The following GIGYF2 variants were observed in gnomAD, a reference collection of about 807,000 sequenced individuals.
GIGYF2 encodes the protein GRB10-interacting GYF protein 2.
GIGYF2 carries 25 observed loss-of-function variants against 208.1 expected under a neutral mutation model. The ratio of observed to expected loss-of-function variants is 0.12; its 90% CI spans 0.09 to 0.17. The LOEUF (loss-of-function observed/expected upper bound fraction) is 0.17. Among genes scored for constraint, GIGYF2 ranks in the 10% least tolerant of loss-of-function variants. The pLI is 1.00. For missense variants in GIGYF2, 1,302 were observed against 1,579.4 expected (o/e 0.82, Z 2.98); for synonymous variants, 534 against 543.8 (o/e 0.98, Z 0.25).
At chr2:232,745,882 A>G (rs1698132190) in intron 3 of GIGYF2, among the ~76,000 whole-genome samples, 1 of 152,216 alleles carries the variant, frequency 6.6e-6, no homozygotes, top group East Asian at 1.9e-4. Flanking sequence ...CTCTATACTC[A>G]GTCACCAGTT....
intron 2 of GIGYF2, chr2:232,730,284 T>C (rs1479817372): frequency 9.1e-6 from 6 of 661,512 alleles, no homozygotes; most frequent in Non-Finnish European, 1.6e-5. Flanking sequence ...AAAAATATTC[T>C]TAGGTTTTTA....
chr2:232,791,195 CT>C (rs774744923), intron 11 of GIGYF2, 25 bp downstream of exon 11: 6 of 1,613,322 alleles, frequency 3.7e-6, no homozygotes, highest in South Asian at 1.1e-5. Context: ...TGCCCTTTGC[CT>C]TTTTTTTCCT....
Position 232,817,038 on chromosome 2 carries a change from TA to T in GIGYF2, c.2370+7del. The T allele has an allele frequency of 6.2e-7, 1 of 1,604,714 alleles. No homozygotes were observed. Among genetic ancestry groups the T allele is most frequent in the Non-Finnish European group, 8.5e-7 (1 of 1,171,406 alleles). On this transcript the variant is annotated splice_region_variant and intron_variant, in intron 20 of 28. Transcript: ENST00000373563. ...AACTTGCCCGAAGGAAACAGGTATGTATCTGGGAACTCTGACCATAGGATTA... is the reference window on the plus strand; with the variant it reads ...AACTTGCCCGAAGGAAACAGGTATGTTCTGGGAACTCTGACCATAGGATTA...
intron 14 of GIGYF2, among the ~76,000 whole-genome samples, chr2:232,797,728 T>TC (rs1700267482): frequency 6.6e-6 from 1 of 152,072 alleles, no homozygotes; most frequent in South Asian, 2.1e-4. Flanking sequence ...ATGCCTGTAA[T>TC]CCCAGCATTT....
chr2:232,820,556 C>T (rs899168351), intron 21 of GIGYF2, among the ~76,000 whole-genome samples: 1 of 152,034 alleles, frequency 6.6e-6, no homozygotes, highest in South Asian at 2.1e-4. Context: ...CCTCATGATC[C>T]ACCCGCCTCG....
chr2:232,817,443 T>A (rs950040603), intron 20 of GIGYF2, among the ~76,000 whole-genome samples: 1 of 152,246 alleles, frequency 6.6e-6, no homozygotes, highest in African/African-American at 2.4e-5. Flanking sequence ...TGGTGTTAAG[T>A]ATATTCATTC....
intron 21 of GIGYF2, among the ~76,000 whole-genome samples, chr2:232,832,478 T>A (rs991374789): frequency 2.0e-5 from 3 of 152,148 alleles, no homozygotes; most frequent in African/African-American, 4.8e-5. Flanking sequence ...TTCATGGTAA[T>A]CAGCATTCTT....
intron 5 of GIGYF2, 103 bp from the exon 6 acceptor site, chr2:232,756,120 C>A: frequency 1.5e-6 from 1 of 678,382 alleles, no homozygotes; most frequent in Non-Finnish European, 2.5e-6. Context: ...TTTATAGATG[C>A]AGTAGGAATG....
At position 232,768,710 on chromosome 2, in the gene GIGYF2, G is replaced by A. The variant is rs1699085467; in HGVS notation, c.532+7274G>A. The A allele has an allele frequency of 1.2e-6, 2 of 1,603,642 alleles. No individual in the cohort carries two copies. Among genetic ancestry groups the A allele is most frequent in the Non-Finnish European group, 1.7e-6 (2 of 1,171,892 alleles). On this transcript the variant is annotated intron_variant, in intron 8 of 28. Coordinates refer to ENST00000373563, the MANE Select transcript of GIGYF2 (RefSeq NM_001103146.3). ...TAGGTCGGGTGTTGGCCACTTGGAA[G>A]ATAAGATTAGGTTTGCCATCCATGT... is the stretch of plus-strand genomic sequence containing the variant.
chr2:232,766,060 C>A, intron 8 of GIGYF2: 1 of 470,650 alleles, frequency 2.1e-6, no homozygotes. Flanking sequence ...ATTGTTACTT[C>A]CTTTTCCTCA....
intron 8 of GIGYF2, among the ~76,000 whole-genome samples, chr2:232,773,994 G>A (rs1340190212): frequency 6.6e-6 from 1 of 150,548 alleles, no homozygotes; most frequent in East Asian, 2.0e-4. Context: ...GATAACGAAA[G>A]TGAGGAACCA....
intron 20 of GIGYF2, among the ~76,000 whole-genome samples, chr2:232,817,314 T>C (rs1700944131): frequency 6.6e-6 from 1 of 152,180 alleles, no homozygotes; most frequent in African/African-American, 2.4e-5. Flanking sequence ...CTAAAAACAA[T>C]GAGAAAGTAA....
chr2:232,729,692 A>G, intron 2 of GIGYF2: 1 of 805,646 alleles, frequency 1.2e-6, no homozygotes, highest in Non-Finnish European at 2.2e-6. Flanking sequence ...GCCCCAGACT[A>G]AGCCATCTGC....
Position 232,844,192 on chromosome 2 carries a change from A to G in GIGYF2, c.3036A>G (p.Gln1012=), listed in dbSNP as rs1701920315. The G allele has an allele frequency of 1.3e-6, 2 of 1,561,972 alleles. No individual in the cohort carries two copies. The highest frequency in any genetic ancestry group is 1.4e-5 in the African/African-American group (1 of 73,172). Reference sequence around the variant, plus strand: ...AGATCCAGCAGGAAGAGGCCAGGCAAATGCAAAAGCAGCAGCAGCAGCAGC... The same window carrying G: ...AGATCCAGCAGGAAGAGGCCAGGCAGATGCAAAAGCAGCAGCAGCAGCAGC... The part of the protein sequence containing the change: ...LLEIQQEEAR[Q]MQKQQQQQQQ... The change falls in exon 24 of 29, where the codon CAA becomes CAG. Residue 1012 remains glutamine, a synonymous_variant. Coordinates refer to ENST00000373563, the MANE Select transcript of GIGYF2 (RefSeq NM_001103146.3).
intron 14 of GIGYF2, among the ~76,000 whole-genome samples, chr2:232,796,633 C>T (rs898266451): frequency 3.9e-5 from 6 of 152,048 alleles, no homozygotes; most frequent in Non-Finnish European, 5.9e-5. Context: ...CCGAGGTGGG[C>T]GAATCACCTG....
In GIGYF2 at chr2:232,806,696, A is replaced by T; in HGVS notation, c.1806+39A>T. On this transcript the variant is annotated intron_variant, in intron 15 of 28. Transcript: ENST00000373563. This position sits in a 1 kb window ranked among gnomAD's most constrained non-coding sequence, Gnocchi z 4.0. ...ACCTCACCTGGAATACATATTAGTC[A>T]CGGAAACACTTGATTCTCTTTGAAA... The T allele has an allele frequency of 7.3e-7, 1 of 1,372,682 alleles. No homozygotes were observed. Among genetic ancestry groups the T allele is most frequent in the South Asian group, 1.2e-5 (1 of 86,314 alleles). The allele number at this position is 1,372,682 out of a possible 1,614,324, so 85.0% of individuals were successfully genotyped here. A position where few individuals can be genotyped will look rare whatever the true frequency, so the allele number is the denominator to read the frequency against.
chr2:232,839,712 A>G, intron 22 of GIGYF2, 137 bp from the exon 23 acceptor site: 1 of 899,742 alleles, frequency 1.1e-6, no homozygotes, highest in South Asian at 1.5e-5. Context: ...AAAGCAATGA[A>G]GAAGGAAATT....
intron 8 of GIGYF2, chr2:232,765,955 A>G (rs745319511): frequency 5.9e-5 from 28 of 471,046 alleles, no homozygotes; most frequent in Non-Finnish European, 1.1e-4. Flanking sequence ...GCAAGACTTC[A>G]TGACCAAGCT....
At chr2:232,832,466 C>T (rs1245907012) in intron 21 of GIGYF2, among the ~76,000 whole-genome samples, 1 of 152,178 alleles carries the variant, frequency 6.6e-6, no homozygotes, top group African/African-American at 2.4e-5. Flanking sequence ...CTGGCTGGTG[C>T]TTTCATGGTA....
Sources: gnomAD v4.1 joint callset for allele counts (sites outside exome capture counted in the v4.1 genomes callset) on GRCh38, gnomAD v4.1.1 for gene constraint, Gnocchi (gnomAD v3.1) non-coding constraint, MANE v1.5 for transcripts, NCBI Gene and HGNC (gene_info 2026-07-23, HGNC 2026-07-21) for gene names.